The following CPNE5 variants were observed in gnomAD, a reference collection of about 807,000 sequenced individuals.
CPNE5 encodes copine 5.
Under a neutral mutation model 81.1 loss-of-function variants are expected in CPNE5, and 42 were observed. The observed-to-expected ratio is 0.52, with a 90% CI of 0.40 to 0.67. The LOEUF is 0.67. CPNE5 is among the 30% of genes least tolerant of loss of function. The probability of loss-of-function intolerance (pLI) is 0.00; values close to 1 mark genes in which losing one functional copy is unlikely to be tolerated. For synonymous variants in CPNE5, 313 were observed against 321.5 expected, an observed-to-expected ratio of 0.97 and a Z score of 0.28; for missense variants, 612 against 815.5, an observed-to-expected ratio of 0.75 and a Z score of 3.04.
At chr6:36,785,937 C>T (rs112910314) in intron 8 of CPNE5, among the ~76,000 whole-genome samples, 225 of 141,670 alleles carry the variant, frequency 1.6e-3, no homozygotes, top group African/African-American at 4.9e-3. Flanking sequence ...TGCTTGAACC[C>T]GGGAGGAGGA....
chr6:36,826,690 T>C (rs1772531151), intron 1 of CPNE5, among the ~76,000 whole-genome samples: 1 of 152,122 alleles, frequency 6.6e-6, no homozygotes, highest in South Asian at 2.1e-4. Context: ...GCAAGCTGGA[T>C]GGATGAAGGA....
chr6:36,771,922 A>G (rs1319404958), intron 10 of CPNE5, among the ~76,000 whole-genome samples: 2 of 151,942 alleles, frequency 1.3e-5, no homozygotes, highest in African/African-American at 4.8e-5. Context: ...ATTATGGAAG[A>G]TCTGCTTCTG....
At chr6:36,825,546 C>T (rs147491492) in intron 1 of CPNE5, among the ~76,000 whole-genome samples, 1 of 152,316 alleles carries the variant, frequency 6.6e-6, no homozygotes, top group East Asian at 1.9e-4. Context: ...GACCTGCTCC[C>T]AGTCAGCTGT....
intron 14 of CPNE5, among the ~76,000 whole-genome samples, chr6:36,751,658 C>G (rs570416543): frequency 6.6e-6 from 1 of 152,036 alleles, no homozygotes; most frequent in African/African-American, 2.4e-5. Context: ...GGGGTGGTGG[C>G]GCATGCCTGT....
intron 1 of CPNE5, among the ~76,000 whole-genome samples, chr6:36,825,729 T>A (rs1011521955): frequency 1.3e-5 from 2 of 152,174 alleles, no homozygotes; most frequent in African/African-American, 4.8e-5. Context: ...ATTCTCATCC[T>A]GAAGTGTGCT....
rs906624883 is a variant in CPNE5, at chr6:36,827,840, C to T, written c.96-4742G>A. On this transcript the variant is annotated intron_variant, in intron 1 of 20. Coordinates refer to ENST00000244751, the MANE Select transcript of CPNE5 (RefSeq NM_020939.2). ...CTCCACTTTCTTTCTTTGGAGAGCA[C>T]AAAGAGAAATTTTTTTTAGCAGGAA... 3.2e-5 allele frequency: 25 copies of T among 786,042 alleles called. 1 individual carries two copies. Among genetic ancestry groups the T allele is most frequent in the Non-Finnish European group, 3.9e-5 (25 of 649,076 alleles). 48.7% of individuals were successfully genotyped at this position (786,042 alleles called of 1,614,324 possible). A position where few individuals can be genotyped will look rare whatever the true frequency, so the allele number is the denominator to read the frequency against.
At chr6:36,792,430 C>T (rs1283915604) in intron 7 of CPNE5, 3 of 1,383,444 alleles carry the variant, frequency 2.2e-6, no homozygotes, top group East Asian at 3.8e-5. Context: ...CTCAAACTTT[C>T]CATCCAAAGA....
rs1246928968 is a variant in CPNE5 at position 36,741,765 on chromosome 6, A to G, written c.*503T>C. 6.5e-6 allele frequency: 1 copy of G among 154,274 alleles called. No individual in the cohort carries two copies. The highest frequency in any genetic ancestry group is 1.4e-5 in the Non-Finnish European group (1 of 69,608). 9.6% of individuals were successfully genotyped at this position (154,274 alleles called of 1,614,324 possible). ...ATCCAGTGTCCCTGGGAGGGTGCAC[A>G]TGTTCAGGCCTTCCTGCAAACCCAT... On this transcript the variant is annotated 3_prime_UTR_variant, in exon 21 of 21. Coordinates refer to ENST00000244751, the MANE Select transcript of CPNE5 (RefSeq NM_020939.2).
chr6:36,794,516 A>G, intron 7 of CPNE5, 74 bp downstream of exon 7: 3 of 1,408,940 alleles, frequency 2.1e-6, no homozygotes, highest in African/African-American at 1.4e-5. Context: ...GACGAGGCCC[A>G]GACTCTGAGG....
At chr6:36,821,194 G>T (rs1261697692) in intron 3 of CPNE5, among the ~76,000 whole-genome samples, 1 of 151,580 alleles carries the variant, frequency 6.6e-6, no homozygotes, top group Non-Finnish European at 1.5e-5. Flanking sequence ...AGCATTCCAG[G>T]AAAAAGGAAG....
At position 36,780,943 on chromosome 6, in the gene CPNE5, A is replaced by G. The variant is rs576785992; in HGVS notation, c.529-1986T>C. 9.2e-5 allele frequency among the ~76,000 whole-genome samples: 14 copies of G among 152,328 alleles called. No individual in the cohort carries two copies. In the South Asian group the frequency reaches 2.9e-3, roughly 32 times the overall value. On this transcript the variant is annotated intron_variant, in intron 8 of 20. Coordinates refer to ENST00000244751, the MANE Select transcript of CPNE5 (RefSeq NM_020939.2). ...TGGTAACTGGTAAAGCAGAAAATTC[A>G]CACATAAATAAACTAATTTCAAAGT...
chr6:36,771,417 A>G (rs1311536430), intron 10 of CPNE5, among the ~76,000 whole-genome samples: 1 of 152,228 alleles, frequency 6.6e-6, no homozygotes, highest in Non-Finnish European at 1.5e-5. Context: ...CTTACCTGTA[A>G]AATGTGGCTA....
intron 3 of CPNE5, among the ~76,000 whole-genome samples, chr6:36,820,660 C>T (rs1771968050): frequency 6.6e-6 from 1 of 151,832 alleles, no homozygotes; most frequent in Non-Finnish European, 1.5e-5. Context: ...AAATAAGTAG[C>T]CTGGCAGGGT....
intron 20 of CPNE5, 119 bp from the exon 21 acceptor site, chr6:36,742,605 C>T (rs1562078190): frequency 2.1e-6 from 3 of 1,433,420 alleles, no homozygotes; most frequent in Admixed American, 2.3e-5. Context: ...TGACTCAATC[C>T]CCCCACCTTT....
At chr6:36,831,227 G>T (rs1200741943) in intron 1 of CPNE5, among the ~76,000 whole-genome samples, 1 of 151,636 alleles carries the variant, frequency 6.6e-6, no homozygotes, top group Non-Finnish European at 1.5e-5. Flanking sequence ...GCTAATTTTT[G>T]TATTTTCAGT....
chr6:36,830,230 G>A (rs9368963), intron 1 of CPNE5, among the ~76,000 whole-genome samples: 30,189 of 152,046 alleles, frequency 0.2, 3,817 homozygotes, highest in East Asian at 0.32. Context: ...CACTACCAAA[G>A]CCAAGGACTC....
At chr6:36,775,970 A>C (rs1767461602) in intron 9 of CPNE5, among the ~76,000 whole-genome samples, 1 of 152,198 alleles carries the variant, frequency 6.6e-6, no homozygotes, top group Non-Finnish European at 1.5e-5. Context: ...AATGAAATTA[A>C]AGCCCCTAAC....
chr6:36,829,694 T>G (rs1772812023), intron 1 of CPNE5, among the ~76,000 whole-genome samples: 2 of 150,300 alleles, frequency 1.3e-5, no homozygotes, highest in African/African-American at 4.9e-5. Flanking sequence ...ACACCTGTAG[T>G]CCCAGCTACT....
Position 36,777,642 on chromosome 6 carries a change from A to T in CPNE5, c.632+1212T>A, listed in dbSNP as rs751234456. 7.2e-5 allele frequency among the ~76,000 whole-genome samples: 11 copies of T among 152,264 alleles called. No homozygotes were observed. In the South Asian group the frequency reaches 2.3e-3, roughly 32 times the overall value. Reference sequence around the variant, plus strand: ...TGGTGAGACAAAGAATCCTTTTGTCATGCAAATGATCATACCTAATTTCCC... The same window carrying T: ...TGGTGAGACAAAGAATCCTTTTGTCTTGCAAATGATCATACCTAATTTCCC... On this transcript the variant is annotated intron_variant, in intron 9 of 20. Transcript: ENST00000244751.
Sources: gnomAD v4.1 joint callset for allele counts (sites outside exome capture counted in the v4.1 genomes callset) on GRCh38, gnomAD v4.1.1 for gene constraint, MANE v1.5 for transcripts, NCBI Gene and HGNC (gene_info 2026-07-23, HGNC 2026-07-21) for gene names.